ATF7IP2: variants seen among roughly 807,000 people sequenced by gnomAD.
ATF7IP2 encodes the protein activating transcription factor 7-interacting protein 2.
In ATF7IP2, 42 loss-of-function variants were observed where a neutral mutation model predicts 64.2. The ratio of observed to expected loss-of-function variants is 0.65; its 90% CI spans 0.51 to 0.85. The LOEUF (loss-of-function observed/expected upper bound fraction) is 0.85. ATF7IP2 is among the 40% of genes least tolerant of loss of function. ATF7IP2 has a pLI of 0.00. For missense variants in ATF7IP2, 933 were observed against 784.2 expected, an observed-to-expected ratio of 1.19 and a Z score of -2.27; for synonymous variants, 308 against 272.8, an observed-to-expected ratio of 1.13 and a Z score of -1.27.
Position 10,430,760 on chromosome 16 carries a change from C to T in ATF7IP2, c.140C>T (p.Pro47Leu), listed in dbSNP as rs1245247757. 4 of 1,613,092 alleles carry T rather than the reference C, an allele frequency of 2.5e-6. No homozygotes were observed. The Admixed American group carries it at 5.0e-5, about 20-fold the overall frequency. Residue 47 changes from proline to leucine, a missense_variant, in exon 5 of 14, where the codon CCA becomes CTA. By Grantham distance (98) the Pro-to-Leu change is moderately conservative. Transcript: ENST00000562102. The stretch of plus-strand genomic sequence containing the variant: ...AAAACAGCAATTGGGAGTAATGTTC[C>T]AAGCGGTAATCAGAGTTTCAGTCCT... ...ALKTAIGSNVPSGNQSFSPSV... is the reference protein window; with the variant it reads ...ALKTAIGSNVLSGNQSFSPSV...
At chr16:10,399,458 G>A (rs1308863938) in intron 1 of ATF7IP2, among the ~76,000 whole-genome samples, 2 of 152,206 alleles carry the variant, frequency 1.3e-5, no homozygotes, top group African/African-American at 4.8e-5. Flanking sequence ...CCTTTCTGCA[G>A]CATATATTCT....
At chr16:10,440,898 C>T (rs1035940085) in intron 8 of ATF7IP2, among the ~76,000 whole-genome samples, 4 of 152,186 alleles carry the variant, frequency 2.6e-5, no homozygotes, top group African/African-American at 9.6e-5. Flanking sequence ...TATCCCTCCC[C>T]TAGCCTCCCC....
Position 10,481,835 on chromosome 16 carries a change from G to C in ATF7IP2, c.1636-1G>C. On this transcript the variant is annotated splice_acceptor_variant, in intron 13 of 13. Coordinates refer to ENST00000562102, the MANE Select transcript of ATF7IP2 (RefSeq NM_001393719.1). LOFTEE classifies it high-confidence loss of function. ...ATATTTTCTTACAATTGTGTTTTTA[G>C]GTTCCTGAGTCCTTTGAGCACCTGC... The C allele has an allele frequency of 6.4e-7, 1 of 1,561,948 alleles. No individual in the cohort carries two copies. The highest frequency in any genetic ancestry group is 8.6e-7 in the Non-Finnish European group (1 of 1,160,246).
At chr16:10,422,583 G>C (rs958437927) in intron 3 of ATF7IP2, among the ~76,000 whole-genome samples, 5 of 152,216 alleles carry the variant, frequency 3.3e-5, no homozygotes, top group African/African-American at 1.2e-4. Flanking sequence ...ACGAACTTCA[G>C]CTATGTTAAA....
At chr16:10,424,322 G>C (rs1293310780) in intron 3 of ATF7IP2, among the ~76,000 whole-genome samples, 11 of 152,018 alleles carry the variant, frequency 7.2e-5, no homozygotes, top group African/African-American at 2.7e-4. Context: ...CTAGATTTGG[G>C]GTCCTGTTCC....
At chr16:10,458,890 A>C (rs2049272564) in intron 9 of ATF7IP2, among the ~76,000 whole-genome samples, 1 of 152,224 alleles carries the variant, frequency 6.6e-6, no homozygotes. Flanking sequence ...TAACAATTAA[A>C]CATCAATTAA....
At chr16:10,477,245 A>G (rs1010113737) in intron 12 of ATF7IP2, among the ~76,000 whole-genome samples, 2 of 152,220 alleles carry the variant, frequency 1.3e-5, no homozygotes, top group African/African-American at 4.8e-5. Flanking sequence ...CAAATTTACA[A>G]GAAAAAGCAA....
At chr16:10,388,455 A>G (rs12597514) in intron 1 of ATF7IP2, among the ~76,000 whole-genome samples, 32,778 of 152,158 alleles carry the variant, frequency 0.22, 4,183 homozygotes, top group African/African-American at 0.36. Flanking sequence ...AAATGTGGTC[A>G]TAAGTTTCAT....
chr16:10,405,691 C>T (rs1486308043), intron 1 of ATF7IP2, among the ~76,000 whole-genome samples: 2 of 152,196 alleles, frequency 1.3e-5, no homozygotes, highest in Non-Finnish European at 2.9e-5. Context: ...GGCAGCAAGC[C>T]ATACCACCTA....
At chr16:10,426,960 C>A (rs1259548504) in intron 3 of ATF7IP2, among the ~76,000 whole-genome samples, 2 of 151,914 alleles carry the variant, frequency 1.3e-5, no homozygotes, top group Admixed American at 1.3e-4. Flanking sequence ...TCAAGCGATT[C>A]TCTTACCTTG....
At position 10,441,213 on chromosome 16, in the gene ATF7IP2, G is replaced by A. The variant is rs150570537; in HGVS notation, c.1194+751G>A. Among the ~76,000 whole-genome samples, 661 of 152,222 alleles carry A rather than the reference G, an allele frequency of 4.3e-3. 2 individuals are homozygous for A. The highest frequency in any genetic ancestry group is 7.2e-3 in the Non-Finnish European group (489 of 68,014). On this transcript the variant is annotated intron_variant, in intron 8 of 13. Coordinates refer to ENST00000562102, the MANE Select transcript of ATF7IP2 (RefSeq NM_001393719.1). ...GTAAATAGTGCTGCAATAAACGTACGTGTGCATGTGTCTTTATAGCAGAAT... is the reference window on the plus strand; with the variant it reads ...GTAAATAGTGCTGCAATAAACGTACATGTGCATGTGTCTTTATAGCAGAAT...
chr16:10,435,466 G>A (rs1323707892), intron 6 of ATF7IP2, among the ~76,000 whole-genome samples: 2 of 152,200 alleles, frequency 1.3e-5, no homozygotes, highest in Non-Finnish European at 2.9e-5. Context: ...ACTTCAATCT[G>A]ATTCCCTGTT....
chr16:10,472,003 A>G (rs1202787307), intron 9 of ATF7IP2, 107 bp from the exon 10 acceptor site: 8 of 497,432 alleles, frequency 1.6e-5, no homozygotes, highest in Non-Finnish European at 2.8e-5. Flanking sequence ...TTGTTCAATT[A>G]AAACATTATG....
At chr16:10,418,857 C>T (rs972870049) in intron 2 of ATF7IP2, among the ~76,000 whole-genome samples, 7 of 152,190 alleles carry the variant, frequency 4.6e-5, no homozygotes, top group East Asian at 1.9e-4. Flanking sequence ...ACTATACTGC[C>T]GTGTTTCCAG....
rs778140845 is a variant in ATF7IP2 at position 10,433,512 on chromosome 16, TG to T, written c.836-12del. On this transcript the variant is annotated splice_polypyrimidine_tract_variant and intron_variant, in intron 5 of 13. Transcript: ENST00000562102. ...TAAAATATCTTTCTTTCTAATCTTT[TG>T]ATCTCCTCAAGGCCATTATCAAAAG... The T allele has an allele frequency of 1.9e-6, 3 of 1,603,928 alleles. No homozygotes were observed. Among genetic ancestry groups the T allele is most frequent in the Non-Finnish European group, 2.6e-6 (3 of 1,175,432 alleles).
chr16:10,433,738 A>G, intron 6 of ATF7IP2, 89 bp downstream of exon 6: 1 of 1,437,228 alleles, frequency 7.0e-7, no homozygotes, highest in Non-Finnish European at 9.6e-7. Flanking sequence ...GTGGCATAAT[A>G]CAGACGACTT....
chr16:10,417,733 A>G (rs2047907910), intron 2 of ATF7IP2, among the ~76,000 whole-genome samples: 1 of 152,226 alleles, frequency 6.6e-6, no homozygotes, highest in Non-Finnish European at 1.5e-5. Context: ...CTTCTCCAAG[A>G]ATAACAAAGT....
intron 9 of ATF7IP2, among the ~76,000 whole-genome samples, chr16:10,460,864 C>G (rs2049351547): frequency 6.6e-6 from 1 of 152,062 alleles, no homozygotes; most frequent in African/African-American, 2.4e-5. Flanking sequence ...TTAGAAACTT[C>G]GTTTCTCAAA....
chr16:10,451,576 C>T (rs570248923), intron 8 of ATF7IP2, among the ~76,000 whole-genome samples: 1 of 152,070 alleles, frequency 6.6e-6, no homozygotes, highest in East Asian at 2.0e-4. Context: ...AGTTGATCTT[C>T]AATCTCTGAT....
Sources: allele counts gnomAD v4.1 joint callset (sites outside exome capture counted in the v4.1 genomes callset), GRCh38; gene constraint gnomAD v4.1.1; transcripts MANE v1.5; gene names NCBI Gene and HGNC (gene_info 2026-07-23, HGNC 2026-07-21).